MS4A4A: variants seen among roughly 807,000 people sequenced by gnomAD.
The protein encoded by MS4A4A is membrane-spanning 4-domains subfamily A member 4A.
In MS4A4A, 26 loss-of-function variants were observed where a neutral mutation model predicts 28.0. The ratio of observed to expected loss-of-function variants is 0.93; its 90% CI spans 0.68 to 1.29. The LOEUF (loss-of-function observed/expected upper bound fraction) is 1.29. MS4A4A is among the 50% of genes most tolerant of loss of function. MS4A4A has a pLI of 0.00. For synonymous variants in MS4A4A, 86 were observed against 100.8 expected (o/e 0.85, Z 0.88); for missense variants, 290 against 293.1 (o/e 0.99, Z 0.08).
At chr11:60,282,771 C>T (rs1215620448) in intron 1 of MS4A4A, 2 of 1,218,912 alleles carry the variant, frequency 1.6e-6, no homozygotes, top group Admixed American at 3.7e-5. Context: ...GCTGAAGTAG[C>T]CGAGCTTTTG....
At chr11:60,291,387 A>G (rs1565144624) in intron 1 of MS4A4A, among the ~76,000 whole-genome samples, 1 of 152,218 alleles carries the variant, frequency 6.6e-6, no homozygotes, top group Non-Finnish European at 1.5e-5. Flanking sequence ...AAGGAGGAAC[A>G]TGGGAAGATT....
intron 1 of MS4A4A, among the ~76,000 whole-genome samples, chr11:60,281,554 C>T (rs1216157542): frequency 1.3e-5 from 2 of 152,182 alleles, no homozygotes; most frequent in Non-Finnish European, 2.9e-5. Flanking sequence ...CCCCATCATC[C>T]TTCTAAAACC....
chr11:60,304,366 C>G (rs572890080), intron 5 of MS4A4A, among the ~76,000 whole-genome samples: 1 of 152,316 alleles, frequency 6.6e-6, no homozygotes, highest in South Asian at 2.1e-4. Context: ...CTGTTGCTAT[C>G]TTAAAATTGT....
intron 1 of MS4A4A, among the ~76,000 whole-genome samples, chr11:60,286,439 A>G (rs2084804224): frequency 6.6e-6 from 1 of 152,230 alleles, no homozygotes; most frequent in African/African-American, 2.4e-5. Flanking sequence ...AGATTGCAGT[A>G]AAGACAGGCA....
intron 1 of MS4A4A, chr11:60,282,520 G>A (rs2084763517): frequency 8.3e-7 from 1 of 1,201,514 alleles, no homozygotes; most frequent in African/African-American, 1.6e-5. Flanking sequence ...TCTGAGAGAA[G>A]ATAGAGACTA....
At chr11:60,285,630 C>A (rs971731949) in intron 1 of MS4A4A, among the ~76,000 whole-genome samples, 8 of 152,150 alleles carry the variant, frequency 5.3e-5, no homozygotes, top group African/African-American at 1.9e-4. Context: ...GGTGACATCA[C>A]ATATCAGCAG....
intron 2 of MS4A4A, among the ~76,000 whole-genome samples, chr11:60,294,836 T>A (rs772360463): frequency 6.6e-6 from 1 of 152,068 alleles, no homozygotes; most frequent in Non-Finnish European, 1.5e-5. Flanking sequence ...ACAGTCCTGA[T>A]TACTATCACT....
chr11:60,296,057 AT>A (rs1257432887), intron 2 of MS4A4A, among the ~76,000 whole-genome samples: 1 of 151,828 alleles, frequency 6.6e-6, no homozygotes, highest in Non-Finnish European at 1.5e-5. Context: ...TAATGGTATA[AT>A]TTTTTTCTTA....
chr11:60,295,558 C>T lies in MS4A4A; in HGVS notation c.202-1639C>T, dbSNP rs1230758138. On this transcript the variant is annotated intron_variant, in intron 2 of 6. Transcript: ENST00000337908. ...GGAGTAGTGACAGGGCTCATCCCTG[C>T]CTTGTTCCTGATCTTAGTGAGAAAG... Among the ~76,000 whole-genome samples the T allele has an allele frequency of 2.6e-5, 4 of 152,182 alleles. No homozygotes were observed. The East Asian group carries it at 7.7e-4, about 29-fold the overall frequency.
chr11:60,294,892 A>ACTACTTCTTCTTCTT lies in MS4A4A; in HGVS notation c.202-2303_202-2302insACTTCTTCTTCTTCT, dbSNP rs60374079. On this transcript the variant is annotated intron_variant, in intron 2 of 6. Coordinates refer to ENST00000337908, the MANE Select transcript of MS4A4A (RefSeq NM_148975.3). ...GGGTAGTGTTAGTCCTACAACTACTACTTCTTCTTCTTCTTCTTCTTCTTC... is the reference window on the plus strand; with the variant it reads ...GGGTAGTGTTAGTCCTACAACTACTACTACTTCTTCTTCTTCTTCTTCTTCTTCTTCTTCTTCTTC... Among the ~76,000 whole-genome samples, 1,006 of 130,904 alleles carry ACTACTTCTTCTTCTT rather than the reference A, an allele frequency of 7.7e-3. 10 individuals are homozygous for ACTACTTCTTCTTCTT. The highest frequency in any genetic ancestry group is 0.01 in the Non-Finnish European group (613 of 60,474). The allele number at this position is 130,904 out of a possible 152,430, so 85.9% of individuals were successfully genotyped here.
intron 6 of MS4A4A, among the ~76,000 whole-genome samples, chr11:60,307,592 T>G (rs953941260): frequency 6.6e-6 from 1 of 152,194 alleles, no homozygotes; most frequent in Non-Finnish European, 1.5e-5. Context: ...GCAGTGGTTT[T>G]GGGGCATATG....
chr11:60,302,072 C>T (rs571503512), intron 4 of MS4A4A, among the ~76,000 whole-genome samples: 11 of 152,198 alleles, frequency 7.2e-5, no homozygotes, highest in East Asian at 3.8e-4. Flanking sequence ...TGAGCCACTG[C>T]GCCCAGTCAG....
intron 1 of MS4A4A, among the ~76,000 whole-genome samples, chr11:60,283,135 C>T (rs2084770916): frequency 6.6e-6 from 1 of 152,154 alleles, no homozygotes; most frequent in Non-Finnish European, 1.5e-5. Context: ...CTGTGTTGCC[C>T]AGGCTGGAGT....
At chr11:60,301,111 T>C in intron 4 of MS4A4A, 54 bp downstream of exon 4, 1 of 1,367,350 alleles carries the variant, frequency 7.3e-7, no homozygotes. Flanking sequence ...TAATAAAAAA[T>C]GTATTCTGCC....
chr11:60,281,812 G>C (rs1209747481), intron 1 of MS4A4A, among the ~76,000 whole-genome samples: 1 of 152,186 alleles, frequency 6.6e-6, no homozygotes, highest in African/African-American at 2.4e-5. Context: ...GTGGGGGAAA[G>C]ACATTGTATT....
At chr11:60,292,475 A>C (rs1361779847) in intron 2 of MS4A4A, 91 bp downstream of exon 2, 14 of 1,317,194 alleles carry the variant, frequency 1.1e-5, no homozygotes, top group Middle Eastern at 1.9e-4. Flanking sequence ...CTAGCCTCAT[A>C]ATACAACAGC....
At chr11:60,281,604 G>A (rs2135005295) in intron 1 of MS4A4A, among the ~76,000 whole-genome samples, 2 of 152,144 alleles carry the variant, frequency 1.3e-5, no homozygotes, top group East Asian at 3.9e-4. Flanking sequence ...TAGTCTATTT[G>A]ACAACTTTGC....
chr11:60,296,656 T>A (rs2084908207), intron 2 of MS4A4A, among the ~76,000 whole-genome samples: 1 of 152,166 alleles, frequency 6.6e-6, no homozygotes. Context: ...TAAATTTTGA[T>A]AAGTTGTTGA....
At chr11:60,289,725 A>G (rs1374296468) in intron 1 of MS4A4A, among the ~76,000 whole-genome samples, 1 of 151,150 alleles carries the variant, frequency 6.6e-6, no homozygotes, top group Non-Finnish European at 1.5e-5. Context: ...TACACTTCTA[A>G]TCTTTTAACC....
Sources: gnomAD v4.1 joint callset for allele counts (sites outside exome capture counted in the v4.1 genomes callset) on GRCh38, gnomAD v4.1.1 for gene constraint, MANE v1.5 for transcripts, NCBI Gene and HGNC (gene_info 2026-07-23, HGNC 2026-07-21) for gene names.